SHISA9: variants seen among roughly 807,000 people sequenced by gnomAD.
SHISA9 encodes the protein protein shisa-9.
SHISA9 carries 13 observed loss-of-function variants against 38.0 expected under a neutral mutation model. The ratio of observed to expected loss-of-function variants is 0.34; its 90% CI spans 0.22 to 0.54. The LOEUF (loss-of-function observed/expected upper bound fraction) is 0.54, where lower values mean the gene tolerates loss of function less well. Among genes scored for constraint, SHISA9 ranks in the 20% least tolerant of loss-of-function variants. The pLI is 0.91. For synonymous variants in SHISA9, 275 were observed against 242.0 expected (o/e 1.14, Z -1.27); for missense variants, 538 against 575.8 (o/e 0.93, Z 0.67).
chr16:13,435,907 T>C, the SHISA9 span, among the ~76,000 whole-genome samples: 2 of 152,250 alleles, frequency 1.3e-5, no homozygotes, highest in Admixed American at 6.5e-5. Context: ...ATAAGTGAGC[T>C]GTATGGCTCT....
intron 2 of SHISA9, among the ~76,000 whole-genome samples, chr16:13,065,324 C>T (rs1250138241): frequency 6.6e-6 from 1 of 152,162 alleles, no homozygotes; most frequent in Non-Finnish European, 1.5e-5. Context: ...ATCTCCTTAC[C>T]CCTATGTGAG....
intron 2 of SHISA9, among the ~76,000 whole-genome samples, chr16:12,926,741 A>G (rs1005102875): frequency 6.6e-6 from 1 of 152,214 alleles, no homozygotes; most frequent in Non-Finnish European, 1.5e-5. Flanking sequence ...TGAGAAACAG[A>G]TATTTTGCTC....
At chr16:12,906,566 C>T (rs1279927807) in intron 1 of SHISA9, among the ~76,000 whole-genome samples, 2 of 152,200 alleles carry the variant, frequency 1.3e-5, no homozygotes, top group Non-Finnish European at 2.9e-5. Flanking sequence ...AATGACTGCA[C>T]ATGGCAGCCA....
intron 4 of SHISA9, among the ~76,000 whole-genome samples, chr16:13,229,607 A>G (rs1222051318): frequency 6.6e-6 from 1 of 152,198 alleles, no homozygotes; most frequent in Admixed American, 6.5e-5. Flanking sequence ...GAAGGGGTCC[A>G]GGTGTCTGAA....
intron 2 of SHISA9, among the ~76,000 whole-genome samples, chr16:13,100,400 C>T (rs1336991326): frequency 6.6e-6 from 1 of 152,116 alleles, no homozygotes; most frequent in Non-Finnish European, 1.5e-5. Context: ...GAGTGAATCC[C>T]AGATATGCAC....
At chr16:13,270,939 A>G in the SHISA9 span, among the ~76,000 whole-genome samples, 1 of 152,198 alleles carries the variant, frequency 6.6e-6, no homozygotes, top group Non-Finnish European at 1.5e-5. Flanking sequence ...GGAAGGTAGC[A>G]TCTCCTAGAG....
At chr16:13,507,199 T>G in the SHISA9 span, among the ~76,000 whole-genome samples, 1 of 149,870 alleles carries the variant, frequency 6.7e-6, no homozygotes, top group African/African-American at 2.5e-5. Context: ...TTTTATATTA[T>G]TATTATTGTT....
In SHISA9 at chr16:13,027,933, CA is replaced by C. The variant is rs1240201539; in HGVS notation, c.691+111139del. 8.4e-4 allele frequency among the ~76,000 whole-genome samples: 87 copies of C among 103,710 alleles called. No homozygotes were observed. The East Asian group carries it at 9.9e-3, about 12-fold the overall frequency. The allele number at this position is 103,710 out of a possible 152,430, so 68.0% of individuals were successfully genotyped here. A position where few individuals can be genotyped will look rare whatever the true frequency, so the allele number is the denominator to read the frequency against. The stretch of plus-strand genomic sequence containing the variant: ...CTAGAGTGAAGCTCTGTCTCAAAAA[CA>C]AAAAAAAAAAAAAAAAAAAAGAATG... On this transcript the variant is annotated intron_variant, in intron 2 of 4. Transcript: ENST00000558583.
At chr16:13,202,681 A>T (rs879331532) in intron 2 of SHISA9, among the ~76,000 whole-genome samples, 1 of 152,138 alleles carries the variant, frequency 6.6e-6, no homozygotes, top group Non-Finnish European at 1.5e-5. Context: ...TGTACATCAT[A>T]TGTATTATAA....
chr16:13,548,992 C>T, the SHISA9 span, among the ~76,000 whole-genome samples: 2 of 152,058 alleles, frequency 1.3e-5, no homozygotes, highest in Non-Finnish European at 1.5e-5. Context: ...GGATAAAGAA[C>T]ATATAGTACA....
intron 2 of SHISA9, among the ~76,000 whole-genome samples, chr16:12,918,119 G>A (rs996229556): frequency 6.6e-6 from 1 of 152,040 alleles, no homozygotes; most frequent in African/African-American, 2.4e-5. Context: ...ATCACAAAAG[G>A]GTATGAGAAA....
chr16:12,976,741 G>A (rs963111885), intron 2 of SHISA9, among the ~76,000 whole-genome samples: 1 of 152,110 alleles, frequency 6.6e-6, no homozygotes, highest in Non-Finnish European at 1.5e-5. Flanking sequence ...GTGTGACAGT[G>A]GCAGACAGCA....
At chr16:13,327,514 A>G in the SHISA9 span, among the ~76,000 whole-genome samples, 103,366 of 151,592 alleles carry the variant, frequency 0.68, 35,662 homozygotes, top group African/African-American at 0.76. Context: ...CACTCGGGAG[A>G]CTGAGGCAGG....
chr16:13,179,462 T>C (rs995713857), intron 2 of SHISA9, among the ~76,000 whole-genome samples: 3 of 152,234 alleles, frequency 2.0e-5, no homozygotes, highest in African/African-American at 7.2e-5. Flanking sequence ...ACCACTGTTT[T>C]ATAGCTGAAG....
intron 2 of SHISA9, among the ~76,000 whole-genome samples, chr16:12,923,047 GA>G (rs1172751450): frequency 3.3e-5 from 5 of 152,094 alleles, no homozygotes; most frequent in Non-Finnish European, 5.9e-5. Context: ...GGCTGGTCTT[GA>G]GCTCCTGACC....
chr16:13,544,773 T>G, the SHISA9 span, among the ~76,000 whole-genome samples: 2 of 152,080 alleles, frequency 1.3e-5, no homozygotes, highest in Non-Finnish European at 1.5e-5. Flanking sequence ...TGAAACCCTG[T>G]CTTTACTAAA....
At chr16:13,138,900 T>G (rs989101893) in intron 2 of SHISA9, among the ~76,000 whole-genome samples, 2 of 152,176 alleles carry the variant, frequency 1.3e-5, no homozygotes. Context: ...GGTACCCACC[T>G]TTACCTTTGC....
chr16:13,245,468 A>G, the SHISA9 span, among the ~76,000 whole-genome samples: 5 of 152,314 alleles, frequency 3.3e-5, no homozygotes, highest in Admixed American at 2.6e-4. Flanking sequence ...ATTGGCTGTT[A>G]TGAGAGATAA....
intron 2 of SHISA9, among the ~76,000 whole-genome samples, chr16:13,024,343 G>A (rs1042067308): frequency 6.6e-6 from 1 of 152,238 alleles, no homozygotes; most frequent in African/African-American, 2.4e-5. Context: ...ACAGCCTGGT[G>A]CTCACCTGCC....
Sources: allele counts gnomAD v4.1 joint callset (sites outside exome capture counted in the v4.1 genomes callset), GRCh38; gene constraint gnomAD v4.1.1; transcripts MANE v1.5; gene names NCBI Gene and HGNC (gene_info 2026-07-23, HGNC 2026-07-21).